Variants in RNF4 observed in about 807,000 individuals in gnomAD.
RNF4 encodes the protein ring finger protein 4.
Under a neutral mutation model 24.3 loss-of-function variants are expected in RNF4, and 7 were observed. That is an observed-to-expected ratio of 0.29 (90% CI 0.16 to 0.54). The LOEUF (loss-of-function observed/expected upper bound fraction) is 0.54, where lower values mean the gene tolerates loss of function less well. Among genes scored for constraint, RNF4 ranks in the 20% least tolerant of loss-of-function variants. The probability of loss-of-function intolerance (pLI) is 0.95; values close to 1 mark genes in which losing one functional copy is unlikely to be tolerated. For synonymous variants in RNF4, 83 were observed against 84.3 expected, an observed-to-expected ratio of 0.98 and a Z score of 0.09; for missense variants, 209 against 248.5, an observed-to-expected ratio of 0.84 and a Z score of 1.07.
At position 2,504,000 on chromosome 4, in the gene RNF4, T is replaced by G. The variant is rs74744855; in HGVS notation, c.204+3262T>G. Among the ~76,000 whole-genome samples, 1,306 of 152,230 alleles carry G rather than the reference T, an allele frequency of 8.6e-3. 33 individuals are homozygous for G. The East Asian group carries it at 0.12, about 14-fold the overall frequency. ...GGAAGGCTGAGCAAGGAGGATCACT[T>G]GAACTCAGGAGTTCAAGGCAAGCCT... On this transcript the variant is annotated intron_variant, in intron 4 of 7. Coordinates refer to ENST00000314289, the MANE Select transcript of RNF4 (RefSeq NM_002938.5).
chr4:2,500,781 G>A, intron 4 of RNF4, 43 bp downstream of exon 4: 2 of 1,591,844 alleles, frequency 1.3e-6, no homozygotes, highest in Non-Finnish European at 1.7e-6. Context: ...TTGGGTATGG[G>A]TCCCTGGCCA....
Position 2,513,875 on chromosome 4 carries a change from A to C in RNF4, c.*56A>C. On this transcript the variant is annotated 3_prime_UTR_variant, in exon 8 of 8. Transcript: ENST00000314289. ...GGACAGACAGACAGCCAGGTTCTCC[A>C]GTGGTATCTGCCTCCATTTTCCTGA... 1 of 1,605,798 alleles carries C rather than the reference A, an allele frequency of 6.2e-7. No homozygotes were observed. Among genetic ancestry groups the C allele is most frequent in the Non-Finnish European group, 8.5e-7 (1 of 1,174,070 alleles).
At chr4:2,478,211 A>G (rs1735138105) in intron 1 of RNF4, among the ~76,000 whole-genome samples, 1 of 152,244 alleles carries the variant, frequency 6.6e-6, no homozygotes, top group South Asian at 2.1e-4. Context: ...TCAAGAGATG[A>G]CTTGGGTACA....
chr4:2,479,361 A>C (rs112957310), intron 1 of RNF4, among the ~76,000 whole-genome samples: 3 of 151,936 alleles, frequency 2.0e-5, no homozygotes, highest in Non-Finnish European at 4.4e-5. Context: ...ATGTGAGGAC[A>C]TAAGATTTGG....
chr4:2,499,070 G>A (rs145441106), intron 3 of RNF4, among the ~76,000 whole-genome samples: 23,446 of 151,214 alleles, frequency 0.16, 2,468 homozygotes, highest in Middle Eastern at 0.26. Context: ...GGTGGCGGGC[G>A]CCTGTAATCC....
intron 1 of RNF4, among the ~76,000 whole-genome samples, chr4:2,477,510 A>G (rs528078606): frequency 2.0e-5 from 3 of 152,222 alleles, no homozygotes; most frequent in East Asian, 1.9e-4. Flanking sequence ...GCTTGAACCC[A>G]GGAGGTGGAG....
chr4:2,510,713 A>G (rs1736248683), intron 4 of RNF4, among the ~76,000 whole-genome samples: 1 of 152,242 alleles, frequency 6.6e-6, no homozygotes, highest in Admixed American at 6.5e-5. Flanking sequence ...GGTGAGCAGT[A>G]GGGCTTTGGT....
At chr4:2,498,636 A>G (rs763369874) in intron 3 of RNF4, among the ~76,000 whole-genome samples, 3 of 152,204 alleles carry the variant, frequency 2.0e-5, no homozygotes, top group Non-Finnish European at 2.9e-5. Flanking sequence ...TTGTATATGT[A>G]AGATTATCAC....
intron 3 of RNF4, 129 bp from the exon 4 acceptor site, chr4:2,500,530 C>A: frequency 1.2e-6 from 1 of 857,026 alleles, no homozygotes; most frequent in Non-Finnish European, 1.8e-6. Context: ...GTGCTCTTTG[C>A]AGTGTATACT....
At position 2,513,861 on chromosome 4, in the gene RNF4, C is replaced by G; in HGVS notation, c.*42C>G. On this transcript the variant is annotated 3_prime_UTR_variant, in exon 8 of 8. Coordinates refer to ENST00000314289, the MANE Select transcript of RNF4 (RefSeq NM_002938.5). ...CAGGAGAGACGGATGGACAGACAGA[C>G]AGCCAGGTTCTCCAGTGGTATCTGC... 6.2e-7 allele frequency: 1 copy of G among 1,611,792 alleles called. No homozygotes were observed. Among genetic ancestry groups the G allele is most frequent in the Non-Finnish European group, 8.5e-7 (1 of 1,178,648 alleles).
At chr4:2,500,144 G>A (rs753178133) in intron 3 of RNF4, among the ~76,000 whole-genome samples, 39 of 140,574 alleles carry the variant, frequency 2.8e-4, no homozygotes, top group East Asian at 6.2e-4. Flanking sequence ...GCGACAGAGC[G>A]AGACTCTGTC....
chr4:2,484,971 G>A (rs951418304), intron 1 of RNF4, among the ~76,000 whole-genome samples: 1 of 152,162 alleles, frequency 6.6e-6, no homozygotes, highest in Admixed American at 6.5e-5. Flanking sequence ...TCCTGAGGGT[G>A]TAGTCAGTGA....
chr4:2,481,306 GACA>G (rs764367809), intron 1 of RNF4: 6 of 152,284 alleles, frequency 3.9e-5, no homozygotes, highest in Non-Finnish European at 7.4e-5. Context: ...GTGTGTCACT[GACA>G]ACATTTTTCA....
At position 2,512,079 on chromosome 4, in the gene RNF4, C is replaced by A; in HGVS notation, c.214+114C>A. 2 of 947,158 alleles carry A rather than the reference C, an allele frequency of 2.1e-6. No individual in the cohort carries two copies. The highest frequency in any genetic ancestry group is 1.6e-5 in the South Asian group (1 of 64,024). 58.7% of individuals were successfully genotyped at this position (947,158 alleles called of 1,614,324 possible). On this transcript the variant is annotated intron_variant, in intron 5 of 7. Transcript: ENST00000314289. The surrounding 1 kb of genome is among the most constrained non-coding windows in gnomAD (Gnocchi z 4.1). The stretch of plus-strand genomic sequence containing the variant: ...CCCCAAGGGCTTGGAGCGCTCCAAG[C>A]AGGAAGATGCCTTCGCAGATGCTGT...
At chr4:2,472,634 A>T (rs1248064145) in intron 1 of RNF4, among the ~76,000 whole-genome samples, 1 of 152,004 alleles carries the variant, frequency 6.6e-6, no homozygotes, top group East Asian at 1.9e-4. Flanking sequence ...GGCAGGGGGA[A>T]AGAAAGAAAT....
At chr4:2,493,657 T>C (rs1293512428) in intron 2 of RNF4, among the ~76,000 whole-genome samples, 1 of 137,700 alleles carries the variant, frequency 7.3e-6, no homozygotes, top group African/African-American at 2.8e-5. Flanking sequence ...GGCAGGAGAA[T>C]CGCTTGAACC....
At chr4:2,509,317 A>C (rs539567785) in intron 4 of RNF4, among the ~76,000 whole-genome samples, 1 of 151,866 alleles carries the variant, frequency 6.6e-6, no homozygotes, top group African/African-American at 2.4e-5. Flanking sequence ...TCCTGGGTTC[A>C]AGTGATTCTC....
At chr4:2,482,865 G>A (rs1053593414) in intron 1 of RNF4, among the ~76,000 whole-genome samples, 2 of 152,176 alleles carry the variant, frequency 1.3e-5, no homozygotes, top group Non-Finnish European at 2.9e-5. Flanking sequence ...CATTGGCTGT[G>A]TGCCGGCTTT....
At chr4:2,478,769 C>A (rs1735160120) in intron 1 of RNF4, among the ~76,000 whole-genome samples, 1 of 152,250 alleles carries the variant, frequency 6.6e-6, no homozygotes, top group Admixed American at 6.5e-5. Flanking sequence ...TCATGGAGAA[C>A]CTCCGCTAGG....
Sources: allele counts gnomAD v4.1 joint callset (sites outside exome capture counted in the v4.1 genomes callset), GRCh38; gene constraint gnomAD v4.1.1; non-coding constraint Gnocchi (gnomAD v3.1); transcripts MANE v1.5; gene names NCBI Gene and HGNC (gene_info 2026-07-23, HGNC 2026-07-21).